The following DOK6 variants were observed in gnomAD, a reference collection of about 807,000 sequenced individuals.
The protein encoded by DOK6 is docking protein 6, also known as downstream of tyrosine kinase 6.
In DOK6, 22 loss-of-function variants were observed where a neutral mutation model predicts 44.0. The ratio of observed to expected loss-of-function variants is 0.50; its 90% CI spans 0.36 to 0.71. The LOEUF is 0.71. Among genes scored for constraint, DOK6 ranks in the 30% least tolerant of loss-of-function variants. DOK6 has a pLI of 0.00. For synonymous variants in DOK6, 166 were observed against 145.5 expected, an observed-to-expected ratio of 1.14 and a Z score of -1.01; for missense variants, 340 against 416.4, an observed-to-expected ratio of 0.82 and a Z score of 1.60.
rs576923151 is a variant in DOK6, at chr18:69,786,755, T to C, written c.856+28882T>C. On this transcript the variant is annotated intron_variant, in intron 7 of 7. Coordinates refer to ENST00000382713, the MANE Select transcript of DOK6 (RefSeq NM_152721.6). ...AAAACACTGAGACATGCACAATAAT[T>C]AAATACAGTAAACTTTGACATTTTG... Among the ~76,000 whole-genome samples the C allele has an allele frequency of 5.6e-4, 86 of 152,348 alleles. 2 individuals are homozygous for C. Among genetic ancestry groups the C allele is most frequent in the African/African-American group, 1.7e-3 (72 of 41,584 alleles).
chr18:69,828,683 G>T (rs1477154122), intron 7 of DOK6, among the ~76,000 whole-genome samples: 1 of 150,944 alleles, frequency 6.6e-6, no homozygotes, highest in Non-Finnish European at 1.5e-5. Flanking sequence ...TTTGGATATT[G>T]CTGTTAACCT....
rs1982302584 is a variant in DOK6 at position 69,844,404 on chromosome 18, G to A, written c.*3021G>A. The A allele has an allele frequency of 6.6e-6, 1 of 152,066 alleles. No individual in the cohort carries two copies. 9.4% of individuals were successfully genotyped at this position (152,066 alleles called of 1,614,324 possible). A position where few individuals can be genotyped will look rare whatever the true frequency, so the allele number is the denominator to read the frequency against. ...TGAAAATAGACAAAGCCTAGAGGAG[G>A]TATCTATTTCACTGAGAGATTACAC... is the stretch of plus-strand genomic sequence containing the variant. On this transcript the variant is annotated 3_prime_UTR_variant, in exon 8 of 8. Coordinates refer to ENST00000382713, the MANE Select transcript of DOK6 (RefSeq NM_152721.6).
chr18:69,687,157 A>C lies in DOK6; in HGVS notation c.409+9304A>C, dbSNP rs1986170459. On this transcript the variant is annotated intron_variant, in intron 4 of 7. Transcript: ENST00000382713. The stretch of plus-strand genomic sequence containing the variant: ...AAATATCTTTCATGAATCTAAGCCT[A>C]AAATTACTTTTAAAATATTAAGAAA... 2.6e-5 allele frequency among the ~76,000 whole-genome samples: 4 copies of C among 152,196 alleles called. 1 individual carries two copies. In the South Asian group the frequency reaches 8.3e-4, roughly 31 times the overall value.
At chr18:69,706,869 A>C (rs1599275440) in intron 5 of DOK6, among the ~76,000 whole-genome samples, 1 of 151,404 alleles carries the variant, frequency 6.6e-6, no homozygotes, top group Admixed American at 6.6e-5. Context: ...TGAACTCATC[A>C]TTTTTTATGG....
At chr18:69,671,704 A>G (rs561528285) in intron 3 of DOK6, among the ~76,000 whole-genome samples, 1 of 152,368 alleles carries the variant, frequency 6.6e-6, no homozygotes, top group Non-Finnish European at 1.5e-5. Flanking sequence ...CTCTACTTAA[A>G]TTGAGACAAT....
At position 69,638,404 on chromosome 18, in the gene DOK6, A is replaced by T. The variant is rs566236705; in HGVS notation, c.289+38906A>T. Among the ~76,000 whole-genome samples, 4 of 152,270 alleles carry T rather than the reference A, an allele frequency of 2.6e-5. No individual in the cohort carries two copies. In the East Asian group the frequency reaches 7.7e-4, roughly 29 times the overall value. ...ATTCTGATTGAGGATAAGGCCTATA[A>T]ATCTGTGTCCTTTTCAAACACATCA... is the stretch of plus-strand genomic sequence containing the variant. On this transcript the variant is annotated intron_variant, in intron 3 of 7. Transcript: ENST00000382713.
intron 1 of DOK6, among the ~76,000 whole-genome samples, chr18:69,522,313 G>A (rs1418317283): frequency 6.6e-6 from 1 of 151,830 alleles, no homozygotes; most frequent in African/African-American, 2.4e-5. Context: ...CTTCAACTTC[G>A]GAGGTCCCCA....
At chr18:69,522,300 G>A (rs1162425996) in intron 1 of DOK6, among the ~76,000 whole-genome samples, 1 of 151,890 alleles carries the variant, frequency 6.6e-6, no homozygotes. Context: ...GAAGGGATCA[G>A]TACTTCAACT....
chr18:69,696,998 A>G (rs950389756), intron 4 of DOK6, among the ~76,000 whole-genome samples: 7 of 152,236 alleles, frequency 4.6e-5, no homozygotes, highest in South Asian at 2.1e-4. Context: ...TATTAGTTTC[A>G]TGGGTCAATA....
chr18:69,404,461 AC>A (rs771626748), intron 1 of DOK6, among the ~76,000 whole-genome samples: 2 of 152,180 alleles, frequency 1.3e-5, no homozygotes, highest in Non-Finnish European at 2.9e-5. Flanking sequence ...TAATAATCTA[AC>A]ACTTTGTGTA....
chr18:69,543,652 A>G lies in DOK6; in HGVS notation c.67-20835A>G, dbSNP rs996143. Among the ~76,000 whole-genome samples the G allele has an allele frequency of 9.0e-3, 1,363 of 151,552 alleles. 32 individuals are homozygous for G. Among genetic ancestry groups the G allele is most frequent in the African/African-American group, 0.031 (1,297 of 41,490 alleles). On this transcript the variant is annotated intron_variant, in intron 1 of 7. Transcript: ENST00000382713. ...AGTATAATTTTGTAATTCTAAATCC[A>G]AGCCCTGAAGCTAGACTTTCAGGGC...
intron 2 of DOK6, 41 bp from the exon 3 acceptor site, chr18:69,599,343 T>G (rs770342047): frequency 1.4e-6 from 2 of 1,447,908 alleles, no homozygotes; most frequent in Non-Finnish European, 1.9e-6. Flanking sequence ...ACATACAGCA[T>G]ACATACTGTA....
intron 2 of DOK6, among the ~76,000 whole-genome samples, chr18:69,569,283 T>C (rs1266117427): frequency 6.6e-6 from 1 of 152,196 alleles, no homozygotes; most frequent in Non-Finnish European, 1.5e-5. Context: ...TGGCTGACAC[T>C]TGAACCAGTT....
chr18:69,796,167 G>A (rs78577234), intron 7 of DOK6, among the ~76,000 whole-genome samples: 107 of 152,278 alleles, frequency 7.0e-4, no homozygotes, highest in African/African-American at 2.3e-3. Context: ...CTCAGTAACA[G>A]CGTGATGGAA....
chr18:69,654,138 G>T (rs1252933572), intron 3 of DOK6, among the ~76,000 whole-genome samples: 1 of 151,924 alleles, frequency 6.6e-6, no homozygotes, highest in Non-Finnish European at 1.5e-5. Context: ...AACAGAAATG[G>T]GTCACTAGAA....
chr18:69,417,582 A>T (rs1007975112), intron 1 of DOK6, among the ~76,000 whole-genome samples: 1 of 152,104 alleles, frequency 6.6e-6, no homozygotes, highest in East Asian at 1.9e-4. Context: ...ATATACCCAG[A>T]GATGGGATTG....
chr18:69,466,074 T>C (rs1979918008), intron 1 of DOK6, among the ~76,000 whole-genome samples: 1 of 152,220 alleles, frequency 6.6e-6, no homozygotes, highest in African/African-American at 2.4e-5. Flanking sequence ...ACATTATTAT[T>C]AACTGTAGTT....
At chr18:69,477,451 A>G (rs931447837) in intron 1 of DOK6, among the ~76,000 whole-genome samples, 4 of 152,224 alleles carry the variant, frequency 2.6e-5, no homozygotes, top group African/African-American at 9.6e-5. Context: ...TGCCATAGCA[A>G]TGGAAAACTT....
At chr18:69,695,459 C>T (rs1371504672) in intron 4 of DOK6, among the ~76,000 whole-genome samples, 1 of 152,166 alleles carries the variant, frequency 6.6e-6, no homozygotes, top group African/African-American at 2.4e-5. Context: ...CAAAGATAAA[C>T]ATTTTTTAAA....
Sources: gnomAD v4.1 joint callset for allele counts (sites outside exome capture counted in the v4.1 genomes callset) on GRCh38, gnomAD v4.1.1 for gene constraint, MANE v1.5 for transcripts, NCBI Gene and HGNC (gene_info 2026-07-23, HGNC 2026-07-21) for gene names.